Variants in CDH18 observed in about 807,000 individuals in gnomAD.
The protein encoded by CDH18 is cadherin-18.
A neutral mutation model predicts 67.9 loss-of-function variants in CDH18; 31 were observed. The observed-to-expected ratio is 0.46, with a 90% confidence interval of 0.34 to 0.62. The LOEUF (loss-of-function observed/expected upper bound fraction) is 0.62, where lower values mean the gene tolerates loss of function less well. Among genes scored for constraint, CDH18 ranks in the 20% least tolerant of loss-of-function variants. CDH18 has a pLI of 0.01. For missense variants in CDH18, 890 were observed against 975.5 expected, an observed-to-expected ratio of 0.91 and a Z score of 1.17; for synonymous variants, 362 against 347.2, an observed-to-expected ratio of 1.04 and a Z score of -0.48.
chr5:20,039,056 A>T (rs559429836), intron 2 of CDH18, among the ~76,000 whole-genome samples: 2 of 150,468 alleles, frequency 1.3e-5, no homozygotes, highest in African/African-American at 4.9e-5. Flanking sequence ...AATAACAGAC[A>T]AACAGAGAGC....
At chr5:20,203,672 G>T (rs2126316846) in intron 2 of CDH18, among the ~76,000 whole-genome samples, 1 of 149,164 alleles carries the variant, frequency 6.7e-6, no homozygotes, top group East Asian at 2.0e-4. Context: ...AGACAGAGAA[G>T]ATTGGAATAA....
At chr5:20,384,595 C>T (rs1399845722) in intron 1 of CDH18, among the ~76,000 whole-genome samples, 2 of 152,202 alleles carry the variant, frequency 1.3e-5, no homozygotes, top group East Asian at 3.9e-4. Flanking sequence ...CTTTTGAATA[C>T]ACCCATAAGT....
intron 2 of CDH18, among the ~76,000 whole-genome samples, chr5:20,159,363 A>T (rs995072979): frequency 6.6e-6 from 1 of 152,188 alleles, no homozygotes; most frequent in African/African-American, 2.4e-5. Context: ...TAAGAGGAGA[A>T]GTTGTGCCCT....
intron 9 of CDH18, among the ~76,000 whole-genome samples, chr5:19,539,338 A>G (rs1749884945): frequency 6.6e-6 from 1 of 152,214 alleles, no homozygotes; most frequent in African/African-American, 2.4e-5. Flanking sequence ...AAATATACCT[A>G]TATTTTACCA....
intron 2 of CDH18, among the ~76,000 whole-genome samples, chr5:20,121,480 T>C (rs1384940377): frequency 6.6e-6 from 1 of 152,122 alleles, no homozygotes; most frequent in Non-Finnish European, 1.5e-5. Flanking sequence ...ATTTGTACAG[T>C]AGATATTTAC....
At chr5:20,382,595 A>G (rs1225379678) in intron 1 of CDH18, among the ~76,000 whole-genome samples, 2 of 152,124 alleles carry the variant, frequency 1.3e-5, no homozygotes, top group Non-Finnish European at 2.9e-5. Context: ...GAAATGGGTA[A>G]GAAAATAAAC....
intron 5 of CDH18, among the ~76,000 whole-genome samples, chr5:19,678,008 C>G (rs1759739100): frequency 6.6e-6 from 1 of 151,514 alleles, no homozygotes; most frequent in Non-Finnish European, 1.5e-5. Flanking sequence ...TTCTTAGAGA[C>G]CTACAAAGAC....
At chr5:20,319,072 C>CT (rs1561967226) in intron 1 of CDH18, among the ~76,000 whole-genome samples, 1 of 152,124 alleles carries the variant, frequency 6.6e-6, no homozygotes, top group South Asian at 2.1e-4. Context: ...AAAACTGGGT[C>CT]TTTTTTATCA....
chr5:20,460,411 A>ATAAG (rs1381629993), intron 1 of CDH18, among the ~76,000 whole-genome samples: 1 of 128,394 alleles, frequency 7.8e-6, no homozygotes, highest in Non-Finnish European at 1.5e-5. Context: ...AAATAAATAA[A>ATAAG]TAAATAAATA....
At chr5:19,964,128 A>G (rs750023877) in intron 2 of CDH18, among the ~76,000 whole-genome samples, 2 of 152,168 alleles carry the variant, frequency 1.3e-5, no homozygotes, top group Admixed American at 6.5e-5. Flanking sequence ...ATTTTTAAAA[A>G]TGTTTATGAA....
chr5:19,593,707 C>CCTCCTCCTCCTTCTTCTTCTT lies in CDH18; in HGVS notation c.812-2464_812-2463insAAGAAGAAGAAGGAGGAGGAG. Among the ~76,000 whole-genome samples, 41 of 33,392 alleles carry CCTCCTCCTCCTTCTTCTTCTT rather than the reference C, an allele frequency of 1.2e-3. 2 individuals are homozygous for CCTCCTCCTCCTTCTTCTTCTT. Among genetic ancestry groups the CCTCCTCCTCCTTCTTCTTCTT allele is most frequent in the African/African-American group, 4.5e-3 (39 of 8,612 alleles). The allele number at this position is 33,392 out of a possible 152,430, so 21.9% of individuals were successfully genotyped here. ...TCCTTCTCTTCCTCTTCCTCCTCCT[C>CCTCCTCCTCCTTCTTCTTCTT]CTTCTTCTTCTTCTTCTTCTTCTTC... On this transcript the variant is annotated intron_variant, in intron 6 of 12. Coordinates refer to ENST00000382275, the MANE Select transcript of CDH18 (RefSeq NM_004934.5).
At chr5:19,859,314 C>T (rs1400116170) in intron 2 of CDH18, among the ~76,000 whole-genome samples, 1 of 152,054 alleles carries the variant, frequency 6.6e-6, no homozygotes, top group Non-Finnish European at 1.5e-5. Context: ...CTTTTGGTAG[C>T]AATAAAACAC....
At chr5:19,478,420 C>T (rs1219488226) in intron 12 of CDH18, 1 of 152,100 alleles carries the variant, frequency 6.6e-6, no homozygotes, top group Admixed American at 6.6e-5. Flanking sequence ...TTGGGAGTGG[C>T]ATCTCTCTCT....
chr5:20,153,529 A>G (rs765841031), intron 2 of CDH18, among the ~76,000 whole-genome samples: 1 of 152,202 alleles, frequency 6.6e-6, no homozygotes, highest in Non-Finnish European at 1.5e-5. Flanking sequence ...TAAATTGCTG[A>G]AATGTGTATT....
At chr5:19,957,538 G>T (rs1473981493) in intron 2 of CDH18, among the ~76,000 whole-genome samples, 1 of 151,650 alleles carries the variant, frequency 6.6e-6, no homozygotes, top group East Asian at 1.9e-4. Context: ...CAGTTAGTAT[G>T]ACCAAAATGT....
chr5:20,298,589 G>A (rs1747720599), intron 1 of CDH18, among the ~76,000 whole-genome samples: 2 of 151,964 alleles, frequency 1.3e-5, no homozygotes, highest in Non-Finnish European at 2.9e-5. Context: ...CTCAAAATAG[G>A]GTTAATATCC....
At chr5:19,795,146 T>C (rs965743119) in intron 3 of CDH18, among the ~76,000 whole-genome samples, 3 of 152,118 alleles carry the variant, frequency 2.0e-5, no homozygotes, top group Non-Finnish European at 4.4e-5. Context: ...CAAGGGATAT[T>C]GCTTGGGAGC....
chr5:20,290,612 G>C (rs999244080), intron 1 of CDH18, among the ~76,000 whole-genome samples: 1 of 152,116 alleles, frequency 6.6e-6, no homozygotes, highest in Admixed American at 6.6e-5. Context: ...AATAATATTT[G>C]AGCCACATCC....
intron 2 of CDH18, among the ~76,000 whole-genome samples, chr5:20,150,946 T>C (rs963673802): frequency 2.0e-5 from 3 of 152,122 alleles, no homozygotes; most frequent in Admixed American, 1.3e-4. Context: ...CTATGTTTTA[T>C]TCTTCTACAT....
Sources: allele counts gnomAD v4.1 joint callset (sites outside exome capture counted in the v4.1 genomes callset), GRCh38; gene constraint gnomAD v4.1.1; transcripts MANE v1.5; gene names NCBI Gene and HGNC (gene_info 2026-07-23, HGNC 2026-07-21).